Variants in ABL2 observed in about 807,000 individuals in gnomAD.
The protein encoded by ABL2 is ABL proto-oncogene 2, non-receptor tyrosine kinase, also known as tyrosine-protein kinase ABL2.
In ABL2, 49 loss-of-function variants were observed where a neutral mutation model predicts 107.7. That is an observed-to-expected ratio of 0.45 (90% CI 0.36 to 0.58). ABL2 has a LOEUF of 0.58. Among genes scored for constraint, ABL2 ranks in the 20% least tolerant of loss-of-function variants. The pLI is 0.00. For missense variants in ABL2, 1,245 were observed against 1,457.0 expected (o/e 0.85, Z 2.37); for synonymous variants, 549 against 548.6 (o/e 1.00, Z -0.01).
chr1:179,148,505 G>A (rs183193479), intron 1 of ABL2, among the ~76,000 whole-genome samples: 5 of 152,112 alleles, frequency 3.3e-5, no homozygotes, highest in African/African-American at 4.8e-5. Flanking sequence ...CACAAACTGC[G>A]CCATAGGAGA....
At chr1:179,112,243 A>C (rs1654157862) in intron 10 of ABL2, 66 bp downstream of exon 10, 1 of 1,374,982 alleles carries the variant, frequency 7.3e-7, no homozygotes. Flanking sequence ...AAATGTAATT[A>C]CCATTATCAC....
In ABL2 at chr1:179,108,471, T is replaced by C. The variant is rs762711922; in HGVS notation, c.2796A>G (p.Pro932=). 4.3e-6 allele frequency: 7 copies of C among 1,614,246 alleles called. No homozygotes were observed. Among genetic ancestry groups the C allele is most frequent in the African/African-American group, 1.3e-5 (1 of 75,076 alleles). Reference sequence around the variant, plus strand: ...GTTTCAGAGTGGGTGAGATAAGGACTGGCACTTTGTGGTTGTGAGTGGTTG... The same window carrying C: ...GTTTCAGAGTGGGTGAGATAAGGACCGGCACTTTGTGGTTGTGAGTGGTTG... ...VLPTTHNHKV[P]VLISPTLKHT... Residue 932 remains proline (P), a synonymous_variant, in exon 12 of 12, where the codon CCA becomes CCG. Transcript: ENST00000502732.
At chr1:179,154,002 C>G (rs1658532586) in intron 1 of ABL2, among the ~76,000 whole-genome samples, 1 of 152,162 alleles carries the variant, frequency 6.6e-6, no homozygotes, top group South Asian at 2.1e-4. Flanking sequence ...CATGATCATT[C>G]TAGAGTCCTC....
intron 1 of ABL2, among the ~76,000 whole-genome samples, chr1:179,134,736 A>G (rs557150640): frequency 7.1e-6 from 1 of 141,788 alleles, no homozygotes; most frequent in East Asian, 2.1e-4. Context: ...CTCCCTCTCC[A>G]CGGTCGCCCT....
Position 179,105,545 on chromosome 1 carries a change from T to C in ABL2, c.*2173A>G, listed in dbSNP as rs1332630840. 1.3e-5 allele frequency: 3 copies of C among 229,148 alleles called. No individual in the cohort carries two copies. The highest frequency in any genetic ancestry group is 6.2e-5 in the East Asian group (1 of 16,132). The allele number at this position is 229,148 out of a possible 1,614,324, so 14.2% of individuals were successfully genotyped here. ...GAGAAGGACCGCTGGTTTTTACATC[T>C]GAGTTCTCTTCCAACCACTAGGAGG... On this transcript the variant is annotated 3_prime_UTR_variant, in exon 12 of 12. Coordinates refer to ENST00000502732, the MANE Select transcript of ABL2 (RefSeq NM_007314.4).
chr1:179,183,983 T>C (rs780327361), intron 1 of ABL2: 21 of 265,464 alleles, frequency 7.9e-5, no homozygotes, highest in African/African-American at 3.9e-4. Flanking sequence ...ACTGAACATA[T>C]TGATGAAGTA....
rs552882232 is a variant in ABL2, at chr1:179,164,906, T to A, written c.158-31532A>T. ...CCAAACCCTATATATACTATGCTTT[T>A]TTCCTACACAAATAAGCCTATGATA... On this transcript the variant is annotated intron_variant, in intron 1 of 11. Coordinates refer to ENST00000502732, the MANE Select transcript of ABL2 (RefSeq NM_007314.4). Among the ~76,000 whole-genome samples the A allele has an allele frequency of 9.7e-4, 148 of 152,366 alleles. 1 individual carries two copies. Among genetic ancestry groups the A allele is most frequent in the Non-Finnish European group, 2.5e-4 (17 of 68,038 alleles).
At chr1:179,168,170 A>G (rs1659503860) in intron 1 of ABL2, among the ~76,000 whole-genome samples, 1 of 152,214 alleles carries the variant, frequency 6.6e-6, no homozygotes, top group Non-Finnish European at 1.5e-5. Flanking sequence ...ATGCAGTTCC[A>G]TTTTAAAATG....
Position 179,131,490 on chromosome 1 carries a change from CA to C in ABL2, c.221-10del. ...GGGACGATGCAAAGCTTCTGAAAGA[CA>C]TAAGAAGGGAAGGGAATTCACGGTG... On this transcript the variant is annotated splice_polypyrimidine_tract_variant and intron_variant, in intron 2 of 11. Transcript: ENST00000502732. The C allele has an allele frequency of 6.2e-7, 1 of 1,612,324 alleles. No homozygotes were observed. Among genetic ancestry groups the C allele is most frequent in the Non-Finnish European group, 8.5e-7 (1 of 1,178,516 alleles).
chr1:179,141,222 T>C (rs1572690742), intron 1 of ABL2, among the ~76,000 whole-genome samples: 1 of 150,452 alleles, frequency 6.6e-6, no homozygotes, highest in African/African-American at 2.5e-5. Flanking sequence ...GCCTGGGAGG[T>C]TGAGCCTGCA....
intron 1 of ABL2, among the ~76,000 whole-genome samples, chr1:179,212,526 A>C (rs1047177414): frequency 6.6e-6 from 1 of 152,060 alleles, no homozygotes; most frequent in Admixed American, 6.5e-5. Flanking sequence ...TGAGGTCGGG[A>C]GTTCGAGACC....
intron 1 of ABL2, among the ~76,000 whole-genome samples, chr1:179,176,476 A>G (rs1043664767): frequency 1.3e-5 from 2 of 150,684 alleles, no homozygotes; most frequent in Non-Finnish European, 3.0e-5. Context: ...TATATACACT[A>G]TGTACCCACA....
intron 4 of ABL2, among the ~76,000 whole-genome samples, chr1:179,125,133 G>A (rs1557929198): frequency 6.6e-6 from 1 of 152,214 alleles, no homozygotes; most frequent in Non-Finnish European, 1.5e-5. Context: ...TGTGGCCATA[G>A]TGTGTCAGAA....
intron 1 of ABL2, among the ~76,000 whole-genome samples, chr1:179,189,754 G>A (rs1660891135): frequency 2.0e-5 from 3 of 152,002 alleles, no homozygotes; most frequent in Non-Finnish European, 4.4e-5. Context: ...ACAAGCTGGT[G>A]TCTTACAATT....
intron 1 of ABL2, among the ~76,000 whole-genome samples, chr1:179,208,182 G>A (rs1200659284): frequency 1.3e-5 from 2 of 152,050 alleles, no homozygotes; most frequent in African/African-American, 2.4e-5. Flanking sequence ...AGTTCAGGGG[G>A]TACATGTGCA....
Position 179,169,036 on chromosome 1 carries a change from G to A in ABL2, c.158-35662C>T, listed in dbSNP as rs137958603. Among the ~76,000 whole-genome samples the A allele has an allele frequency of 2.1e-3, 323 of 152,260 alleles. 1 individual carries two copies. The highest frequency in any genetic ancestry group is 7.4e-3 in the African/African-American group (306 of 41,550). ...CCTTCATCTTTAGACAGAATGGTTA[G>A]TAATATTGGAGAGTGTTAAAAGACC... On this transcript the variant is annotated intron_variant, in intron 1 of 11. Transcript: ENST00000502732.
intron 1 of ABL2, among the ~76,000 whole-genome samples, chr1:179,160,811 G>A (rs558124285): frequency 2.6e-4 from 39 of 152,210 alleles, no homozygotes; most frequent in African/African-American, 8.4e-4. Context: ...GAGGCAGTGG[G>A]GGACATGAAA....
chr1:179,215,258 C>T (rs965783380), intron 1 of ABL2, among the ~76,000 whole-genome samples: 1 of 151,854 alleles, frequency 6.6e-6, no homozygotes, highest in Non-Finnish European at 1.5e-5. Context: ...TATGTAAATA[C>T]ACAGCAAGTT....
At chr1:179,228,143 T>C (rs1249799942) in intron 1 of ABL2, among the ~76,000 whole-genome samples, 1 of 149,920 alleles carries the variant, frequency 6.7e-6, no homozygotes, top group Admixed American at 6.6e-5. Flanking sequence ...GGCAGGCAGA[T>C]TACCTGATGT....
Sources: gnomAD v4.1 joint callset for allele counts (sites outside exome capture counted in the v4.1 genomes callset) on GRCh38, gnomAD v4.1.1 for gene constraint, MANE v1.5 for transcripts, NCBI Gene and HGNC (gene_info 2026-07-23, HGNC 2026-07-21) for gene names.